The following ATP10B variants were observed in gnomAD, a reference collection of about 807,000 sequenced individuals.
ATP10B encodes phospholipid-transporting ATPase VB.
Under a neutral mutation model 141.2 loss-of-function variants are expected in ATP10B, and 122 were observed. That is an observed-to-expected ratio of 0.86 (90% CI 0.75 to 1.00). The LOEUF is 1.00. ATP10B is among the 50% of genes least tolerant of loss of function. The pLI is 0.00. For synonymous variants in ATP10B, 685 were observed against 692.0 expected (o/e 0.99, Z 0.16); for missense variants, 1,876 against 1,825.3 (o/e 1.03, Z -0.51).
intron 2 of ATP10B, among the ~76,000 whole-genome samples, chr5:160,765,124 T>C (rs964878504): frequency 2.0e-5 from 3 of 152,090 alleles, no homozygotes; most frequent in Admixed American, 6.5e-5. Context: ...GTAGAATCAA[T>C]ATTGTGAAAA....
At chr5:160,686,328 C>A in intron 5 of ATP10B, 55 bp from the exon 6 acceptor site, 1 of 1,324,258 alleles carries the variant, frequency 7.6e-7, no homozygotes, top group South Asian at 1.8e-5. Flanking sequence ...AATGTACTTT[C>A]TCCCCCATTT....
chr5:160,736,628 C>T (rs1466437774), intron 2 of ATP10B, among the ~76,000 whole-genome samples: 5 of 152,084 alleles, frequency 3.3e-5, no homozygotes, highest in Non-Finnish European at 7.4e-5. Flanking sequence ...GGCGTGGTGG[C>T]GTACGCCTGT....
At chr5:160,684,053 A>G (rs1425665020) in intron 6 of ATP10B, among the ~76,000 whole-genome samples, 1 of 152,196 alleles carries the variant, frequency 6.6e-6, no homozygotes, top group Non-Finnish European at 1.5e-5. Flanking sequence ...CTCACCCTAA[A>G]AAATATTGCA....
chr5:160,678,658 A>C (rs111562503), intron 6 of ATP10B, among the ~76,000 whole-genome samples: 1 of 152,198 alleles, frequency 6.6e-6, no homozygotes, highest in Non-Finnish European at 1.5e-5. Flanking sequence ...AAAACAGAAC[A>C]AAAAACAAAA....
chr5:160,748,216 A>C (rs1371070114), intron 2 of ATP10B, among the ~76,000 whole-genome samples: 1 of 152,164 alleles, frequency 6.6e-6, no homozygotes, highest in Non-Finnish European at 1.5e-5. Context: ...GAATTGGCCC[A>C]GACACCTCCT....
intron 18 of ATP10B, chr5:160,611,813 G>A (rs1372292058): frequency 1.3e-5 from 2 of 152,090 alleles, no homozygotes; most frequent in African/African-American, 4.8e-5. Context: ...GTGCCCTACG[G>A]GCCCTACGCC....
chr5:160,601,875 G>C (rs1757116438), intron 21 of ATP10B, among the ~76,000 whole-genome samples: 1 of 152,154 alleles, frequency 6.6e-6, no homozygotes. Context: ...CTGAAAGAAA[G>C]CCCAGGGGCA....
chr5:160,837,292 A>G (rs1321100426), intron 1 of ATP10B, among the ~76,000 whole-genome samples: 1 of 152,176 alleles, frequency 6.6e-6, no homozygotes, highest in Non-Finnish European at 1.5e-5. Flanking sequence ...TATATCATAC[A>G]GAAAATTTAG....
chr5:160,714,005 C>A, intron 3 of ATP10B, among the ~76,000 whole-genome samples: 1 of 46,940 alleles, frequency 2.1e-5, no homozygotes, highest in Non-Finnish European at 3.8e-5. Flanking sequence ...GATGGGCTTT[C>A]CTTTGAGGGT....
At chr5:160,631,213 C>G (rs538819141) in intron 13 of ATP10B, among the ~76,000 whole-genome samples, 23 of 152,204 alleles carry the variant, frequency 1.5e-4, no homozygotes, top group Non-Finnish European at 3.1e-4. Context: ...CCTGTGGCCT[C>G]TTGTGCAAGT....
intron 3 of ATP10B, among the ~76,000 whole-genome samples, chr5:160,703,997 T>C (rs896915479): frequency 6.6e-6 from 1 of 152,186 alleles, no homozygotes; most frequent in Admixed American, 6.5e-5. Flanking sequence ...GTTATTGTTG[T>C]TGAGAGACAG....
At chr5:160,879,107 T>C in the ATP10B span, among the ~76,000 whole-genome samples, 1 of 60,954 alleles carries the variant, frequency 1.6e-5, no homozygotes, top group African/African-American at 6.5e-5. Flanking sequence ...TGTGGCATTA[T>C]TCACAATAGC....
chr5:160,674,637 C>A (rs1762915029), intron 6 of ATP10B, among the ~76,000 whole-genome samples: 1 of 152,108 alleles, frequency 6.6e-6, no homozygotes. Context: ...GGTTTGCCTT[C>A]CCCAAGACAG....
At chr5:160,665,626 C>T (rs1048726747) in intron 7 of ATP10B, among the ~76,000 whole-genome samples, 4 of 152,168 alleles carry the variant, frequency 2.6e-5, no homozygotes, top group Non-Finnish European at 5.9e-5. Context: ...GACTTGACCA[C>T]GGACCATGAG....
chr5:160,667,898 A>G (rs371535487), intron 7 of ATP10B, among the ~76,000 whole-genome samples: 1 of 152,158 alleles, frequency 6.6e-6, no homozygotes, highest in East Asian at 1.9e-4. Flanking sequence ...GGGGAGATTT[A>G]TAAGTTTTAC....
upstream of ATP10B, among the ~76,000 whole-genome samples, chr5:160,854,178 T>C (rs1753940838): frequency 6.6e-6 from 1 of 152,110 alleles, no homozygotes; most frequent in South Asian, 2.1e-4. Flanking sequence ...TTATTAGTGG[T>C]AATTTTTATT....
chr5:160,689,895 C>T (rs1381414572), intron 3 of ATP10B, among the ~76,000 whole-genome samples: 1 of 151,948 alleles, frequency 6.6e-6, no homozygotes, highest in African/African-American at 2.4e-5. Flanking sequence ...GCCCATATAG[C>T]CAAGGCAATC....
chr5:160,770,309 C>T (rs960943136), intron 2 of ATP10B, among the ~76,000 whole-genome samples: 3 of 152,030 alleles, frequency 2.0e-5, no homozygotes, highest in Non-Finnish European at 4.4e-5. Flanking sequence ...TTCCCCACCC[C>T]ACCTCTTCAT....
At chr5:160,696,421 A>G (rs1321896352) in intron 3 of ATP10B, among the ~76,000 whole-genome samples, 3 of 152,140 alleles carry the variant, frequency 2.0e-5, no homozygotes. Flanking sequence ...AAGCTTCAAT[A>G]TTAACTTTGG....
Sources: gnomAD v4.1 joint callset for allele counts (sites outside exome capture counted in the v4.1 genomes callset) on GRCh38, gnomAD v4.1.1 for gene constraint, MANE v1.5 for transcripts, NCBI Gene and HGNC (gene_info 2026-07-23, HGNC 2026-07-21) for gene names.